OCA2: variants seen among roughly 807,000 people sequenced by gnomAD.
OCA2 encodes P protein.
In OCA2, 77 loss-of-function variants were observed where a neutral mutation model predicts 100.2. The ratio of observed to expected loss-of-function variants is 0.77; its 90% CI spans 0.64 to 0.93. The LOEUF (loss-of-function observed/expected upper bound fraction) is 0.93, where lower values mean the gene tolerates loss of function less well. Among genes scored for constraint, OCA2 ranks in the 40% least tolerant of loss-of-function variants. The pLI is 0.00. For missense variants in OCA2, 1,062 were observed against 1,089.1 expected (o/e 0.98, Z 0.35); for synonymous variants, 432 against 439.2 (o/e 0.98, Z 0.21).
chr15:28,062,551 A>G (rs2043905450), intron 2 of OCA2, among the ~76,000 whole-genome samples: 1 of 152,096 alleles, frequency 6.6e-6, no homozygotes, highest in South Asian at 2.1e-4. Flanking sequence ...TTTATTCACA[A>G]AAGTTTTTCT....
At chr15:27,912,927 G>C (rs2038452627) in intron 19 of OCA2, among the ~76,000 whole-genome samples, 1 of 152,152 alleles carries the variant, frequency 6.6e-6, no homozygotes, top group Non-Finnish European at 1.5e-5. Flanking sequence ...TGATGCACTA[G>C]ACAAGGCACA....
intron 14 of OCA2, among the ~76,000 whole-genome samples, chr15:27,982,555 C>T (rs888024278): frequency 5.3e-5 from 8 of 152,166 alleles, no homozygotes; most frequent in African/African-American, 7.2e-5. Flanking sequence ...ACCTCTGGAG[C>T]GCACTGCTTC....
At chr15:27,947,361 G>C (rs2039876111) in intron 18 of OCA2, among the ~76,000 whole-genome samples, 1 of 152,196 alleles carries the variant, frequency 6.6e-6, no homozygotes, top group African/African-American at 2.4e-5. Flanking sequence ...GCTGTGAGGT[G>C]ATGGTCCCTG....
chr15:28,026,035 C>T (rs1324734045), intron 4 of OCA2, among the ~76,000 whole-genome samples: 4 of 152,200 alleles, frequency 2.6e-5, no homozygotes, highest in African/African-American at 9.6e-5. Context: ...CTTTTTAAAG[C>T]ATGAAGCATT....
intron 23 of OCA2, among the ~76,000 whole-genome samples, chr15:27,820,916 A>T (rs374121126): frequency 2.1e-4 from 32 of 152,288 alleles, no homozygotes; most frequent in East Asian, 1.7e-3. Flanking sequence ...TGTCATCAAG[A>T]TGGCATGTGA....
In OCA2 at chr15:27,814,809, G is replaced by A. The variant is rs557617168; in HGVS notation, c.2432+30150C>T. On this transcript the variant is annotated intron_variant, in intron 23 of 23. Transcript: ENST00000354638. ...AGGCACAAGAATTGCTTGAACCTGG[G>A]AGGCCAGAGGTTGCAGTGAGCCAAG... Among the ~76,000 whole-genome samples, 6 of 152,188 alleles carry A rather than the reference G, an allele frequency of 3.9e-5. No individual in the cohort carries two copies. In the East Asian group the frequency reaches 1.2e-3, roughly 29 times the overall value.
At chr15:27,862,077 A>G (rs2036153532) in intron 21 of OCA2, among the ~76,000 whole-genome samples, 1 of 152,146 alleles carries the variant, frequency 6.6e-6, no homozygotes, top group East Asian at 1.9e-4. Context: ...GTCCTCATGG[A>G]GAGAAAGCAT....
intron 19 of OCA2, among the ~76,000 whole-genome samples, chr15:27,885,638 T>C (rs750560166): frequency 1.5e-4 from 23 of 152,248 alleles, no homozygotes; most frequent in Admixed American, 2.6e-4. Flanking sequence ...GATGAATGAC[T>C]ATTACACCAC....
chr15:28,023,077 C>T (rs1239076520), intron 5 of OCA2, among the ~76,000 whole-genome samples: 9 of 151,904 alleles, frequency 5.9e-5, no homozygotes, highest in Admixed American at 5.9e-4. Context: ...GAAGACTGGA[C>T]ACAGAGCTCA....
chr15:27,984,077 C>T (rs1044357450), intron 13 of OCA2, among the ~76,000 whole-genome samples: 1 of 151,590 alleles, frequency 6.6e-6, no homozygotes, highest in Non-Finnish European at 1.5e-5. Context: ...GGATAACCAT[C>T]CCCTTAAATA....
chr15:27,730,192 T>G, the OCA2 span, among the ~76,000 whole-genome samples: 1 of 152,162 alleles, frequency 6.6e-6, no homozygotes, highest in Non-Finnish European at 1.5e-5. Flanking sequence ...TAGACTGACT[T>G]ACAGAATCAG....
chr15:27,939,720 G>A (rs138467502), intron 18 of OCA2, among the ~76,000 whole-genome samples: 6 of 152,330 alleles, frequency 3.9e-5, no homozygotes, highest in South Asian at 2.1e-4. Context: ...GTCAGGAATC[G>A]TGCCTCATTC....
Position 27,990,015 on chromosome 15 carries a change from C to G in OCA2, c.1117-349G>C, listed in dbSNP as rs187141012. Among the ~76,000 whole-genome samples the G allele has an allele frequency of 1.0e-3, 155 of 152,270 alleles. 1 individual carries two copies. The highest frequency in any genetic ancestry group is 3.7e-3 in the African/African-American group (152 of 41,554). On this transcript the variant is annotated intron_variant, in intron 10 of 23. Coordinates refer to ENST00000354638, the MANE Select transcript of OCA2 (RefSeq NM_000275.3). ...CAGATGACAGGAACTGGCATGGCAGCTGTCCCACTCTCAGCTGGGTTCCAG... is the reference window on the plus strand; with the variant it reads ...CAGATGACAGGAACTGGCATGGCAGGTGTCCCACTCTCAGCTGGGTTCCAG...
intron 23 of OCA2, among the ~76,000 whole-genome samples, chr15:27,825,427 G>T (rs941289330): frequency 2.6e-5 from 4 of 152,176 alleles, no homozygotes; most frequent in African/African-American, 9.7e-5. Context: ...TAGGCAGGAG[G>T]TCCTGAAAGT....
intron 19 of OCA2, among the ~76,000 whole-genome samples, chr15:27,894,036 C>T (rs140004762): frequency 0.039 from 6,006 of 152,294 alleles, 409 homozygotes; most frequent in African/African-American, 0.13. Context: ...TGGTCTGAGA[C>T]TCAGGCAGGC....
rs2042628762 is a variant in OCA2, at chr15:28,022,586, G to A, written c.574-13C>T. The A allele has an allele frequency of 6.2e-7, 1 of 1,604,540 alleles. No homozygotes were observed. Among genetic ancestry groups the A allele is most frequent in the Non-Finnish European group, 8.5e-7 (1 of 1,171,384 alleles). On this transcript the variant is annotated splice_polypyrimidine_tract_variant and intron_variant, in intron 5 of 23. Coordinates refer to ENST00000354638, the MANE Select transcript of OCA2 (RefSeq NM_000275.3). The stretch of plus-strand genomic sequence containing the variant: ...GGCTGAACAAAATCTGTAACAATCA[G>A]AAACGTTGAATGACAGAGGTGTGGT...
Position 27,983,423 on chromosome 15 carries a change from T to C in OCA2, c.1425A>G (p.Thr475=). The change falls in exon 14 of 24, where the codon ACA becomes ACG. Residue 475 remains threonine, a synonymous_variant. Coordinates refer to ENST00000354638, the MANE Select transcript of OCA2 (RefSeq NM_000275.3). The part of the protein sequence containing the change: ...RQVLIAEVIF[T]NIGGAATAIG... ...TGGCAGTGGCAGCTCCTCCAATGTT[T>C]GTGAAGATCACTTCTGCAATCAGGA... 1.2e-6 allele frequency: 2 copies of C among 1,614,204 alleles called. No individual in the cohort carries two copies. Among genetic ancestry groups the C allele is most frequent in the Non-Finnish European group, 1.7e-6 (2 of 1,180,032 alleles).
chr15:27,917,092 T>G (rs921257103), intron 19 of OCA2, among the ~76,000 whole-genome samples: 7 of 152,094 alleles, frequency 4.6e-5, no homozygotes, highest in African/African-American at 1.7e-4. Flanking sequence ...CCAGAGAGTT[T>G]GCCTAGGACC....
chr15:27,768,313 T>C (rs968857833), intron 23 of OCA2, among the ~76,000 whole-genome samples: 9 of 152,182 alleles, frequency 5.9e-5, no homozygotes, highest in African/African-American at 2.2e-4. Context: ...TTCTGTGAGA[T>C]ATGCAAAATT....
Sources: allele counts gnomAD v4.1 joint callset (sites outside exome capture counted in the v4.1 genomes callset), GRCh38; gene constraint gnomAD v4.1.1; transcripts MANE v1.5; gene names NCBI Gene and HGNC (gene_info 2026-07-23, HGNC 2026-07-21).